The following FAM171A1 variants were observed in gnomAD, a reference collection of about 807,000 sequenced individuals.
FAM171A1 encodes family with sequence similarity 171 member A1, also known as protein FAM171A1.
A neutral mutation model predicts 74.9 loss-of-function variants in FAM171A1; 23 were observed. The ratio of observed to expected loss-of-function variants is 0.31; its 90% confidence interval spans 0.22 to 0.44. The LOEUF (loss-of-function observed/expected upper bound fraction) is 0.44, where lower values mean the gene tolerates loss of function less well. Ranked by LOEUF, FAM171A1 falls within the 20% of genes least tolerant of loss-of-function variation. The pLI, the probability that FAM171A1 is intolerant of heterozygous loss-of-function variation, is 1.00. For synonymous variants in FAM171A1, 527 were observed against 505.7 expected, an observed-to-expected ratio of 1.04 and a Z score of -0.57; for missense variants, 1,162 against 1,159.2, an observed-to-expected ratio of 1.00 and a Z score of -0.03.
At chr10:15,256,353 T>A (rs1415546044) in intron 3 of FAM171A1, among the ~76,000 whole-genome samples, 1 of 152,216 alleles carries the variant, frequency 6.6e-6, no homozygotes, top group African/African-American at 2.4e-5. Flanking sequence ...AAAGGACTTA[T>A]GTCGGGGGCA....
At chr10:15,309,513 T>A (rs999280376) in intron 1 of FAM171A1, among the ~76,000 whole-genome samples, 3 of 152,280 alleles carry the variant, frequency 2.0e-5, no homozygotes, top group African/African-American at 7.2e-5. Flanking sequence ...GGCAAGTTTA[T>A]CTTATTTTTC....
At chr10:15,271,733 C>A (rs1328330364) in intron 3 of FAM171A1, among the ~76,000 whole-genome samples, 1 of 152,202 alleles carries the variant, frequency 6.6e-6, no homozygotes, top group Non-Finnish European at 1.5e-5. Flanking sequence ...CAATATTCAA[C>A]ATTCTTAAAG....
At position 15,214,231 on chromosome 10, in the gene FAM171A1, G is replaced by C. The variant is rs1833936392; in HGVS notation, c.1357C>G (p.Leu453Val). Residue 453 changes from leucine to valine, a missense_variant, in exon 8 of 8, where the codon CTG (leucine) becomes GTG (valine). Leu to Val is a conservative substitution (Grantham distance 32). Coordinates refer to ENST00000378116, the MANE Select transcript of FAM171A1 (RefSeq NM_001010924.2). ...SFDNLTPSGT[L>V]GKDYHKSVEV... ...ACTGACTTATGGTAGTCTTTCCCCAGCGTCCCACTTGGAGTGAGGTTATCA... is the reference window on the plus strand; with the variant it reads ...ACTGACTTATGGTAGTCTTTCCCCACCGTCCCACTTGGAGTGAGGTTATCA... 3 of 1,614,134 alleles carry C rather than the reference G, an allele frequency of 1.9e-6. No individual in the cohort carries two copies. In the East Asian group the frequency reaches 6.7e-5, roughly 36 times the overall value.
In FAM171A1 at chr10:15,254,894, C is replaced by T. The variant is rs763094721; in HGVS notation, c.419-15G>A. 6.2e-7 allele frequency: 1 copy of T among 1,608,602 alleles called. No individual in the cohort carries two copies. Among genetic ancestry groups the T allele is most frequent in the African/African-American group, 1.3e-5 (1 of 74,882 alleles). On this transcript the variant is annotated splice_polypyrimidine_tract_variant and intron_variant, in intron 3 of 7. Coordinates refer to ENST00000378116, the MANE Select transcript of FAM171A1 (RefSeq NM_001010924.2). ...TGGCCGGGCACCTGCAGAGATTAAC[C>T]TCCGAGTTATCTCCCCCAGGAGCAG...
chr10:15,233,332 T>A (rs1200795457), intron 5 of FAM171A1, among the ~76,000 whole-genome samples: 1 of 152,064 alleles, frequency 6.6e-6, no homozygotes, highest in Non-Finnish European at 1.5e-5. Context: ...AACATTTTTT[T>A]TCCCTAAAGG....
At chr10:15,324,672 A>C (rs2131851402) in intron 1 of FAM171A1, among the ~76,000 whole-genome samples, 1 of 152,214 alleles carries the variant, frequency 6.6e-6, no homozygotes, top group South Asian at 2.1e-4. Context: ...TTTCCTACTG[A>C]CAATCTTAAA....
intron 6 of FAM171A1, among the ~76,000 whole-genome samples, chr10:15,219,986 C>T (rs548108602): frequency 1.5e-4 from 23 of 152,314 alleles, no homozygotes; most frequent in African/African-American, 5.5e-4. Context: ...GGAAAGACCT[C>T]CATCAAATCA....
At chr10:15,302,551 CTG>C (rs2131828987) in intron 1 of FAM171A1, among the ~76,000 whole-genome samples, 1 of 149,830 alleles carries the variant, frequency 6.7e-6, no homozygotes, top group African/African-American at 2.5e-5. Context: ...TCATTCTAGA[CTG>C]TGCCACATGG....
intron 5 of FAM171A1, among the ~76,000 whole-genome samples, chr10:15,238,161 C>A (rs963965647): frequency 2.6e-5 from 4 of 152,190 alleles, no homozygotes; most frequent in African/African-American, 9.7e-5. Context: ...TCCCTATAAT[C>A]CAATCACCCA....
At chr10:15,272,556 G>C (rs9733079) in intron 3 of FAM171A1, among the ~76,000 whole-genome samples, 150,793 of 152,332 alleles carry the variant, frequency 0.99, 74,652 homozygotes, top group Middle Eastern at 1. Flanking sequence ...TAGACATCTA[G>C]AGAACTCTCC....
intron 1 of FAM171A1, among the ~76,000 whole-genome samples, chr10:15,332,674 T>C (rs1056312741): frequency 3.3e-5 from 5 of 152,180 alleles, no homozygotes; most frequent in African/African-American, 1.2e-4. Flanking sequence ...TTGCAGAGAC[T>C]CATTGCACTG....
chr10:15,318,535 G>A (rs182395192), intron 1 of FAM171A1, among the ~76,000 whole-genome samples: 19 of 152,276 alleles, frequency 1.2e-4, no homozygotes, highest in African/African-American at 3.8e-4. Flanking sequence ...TTTGGATCCC[G>A]GGTGACAGAA....
chr10:15,322,834 C>T (rs1483666318), intron 1 of FAM171A1, among the ~76,000 whole-genome samples: 1 of 152,186 alleles, frequency 6.6e-6, no homozygotes, highest in Non-Finnish European at 1.5e-5. Context: ...TCTTCATTTG[C>T]AATAAAAAGT....
chr10:15,345,740 C>CA (rs1439603575), intron 1 of FAM171A1, among the ~76,000 whole-genome samples: 6 of 152,008 alleles, frequency 3.9e-5, no homozygotes, highest in Admixed American at 1.3e-4. Flanking sequence ...GCAGGGTGCC[C>CA]ATCAAAAAAC....
chr10:15,269,231 A>G (rs898691672), intron 3 of FAM171A1, among the ~76,000 whole-genome samples: 1 of 152,004 alleles, frequency 6.6e-6, no homozygotes, highest in Non-Finnish European at 1.5e-5. Flanking sequence ...CTCCTGTCTC[A>G]GTCTCCTGAG....
At chr10:15,344,215 C>T (rs1835795408) in intron 1 of FAM171A1, among the ~76,000 whole-genome samples, 1 of 152,156 alleles carries the variant, frequency 6.6e-6, no homozygotes, top group South Asian at 2.1e-4. Flanking sequence ...ACAGGAGCTT[C>T]CACCAAAGAG....
intron 3 of FAM171A1, among the ~76,000 whole-genome samples, chr10:15,263,449 T>G (rs1173642230): frequency 6.6e-6 from 1 of 152,142 alleles, no homozygotes; most frequent in Non-Finnish European, 1.5e-5. Flanking sequence ...AATTTACGAG[T>G]GTTCTCTCTT....
chr10:15,238,204 G>C (rs1834319240), intron 5 of FAM171A1, among the ~76,000 whole-genome samples: 1 of 152,140 alleles, frequency 6.6e-6, no homozygotes. Flanking sequence ...ACTTCACCTA[G>C]TCATGTGGCT....
chr10:15,296,240 CTATTT>C (rs898035504), intron 1 of FAM171A1, among the ~76,000 whole-genome samples: 2 of 152,136 alleles, frequency 1.3e-5, no homozygotes, highest in South Asian at 2.1e-4. Flanking sequence ...TTGTATTATT[CTATTT>C]TATTTTCTAC....
Sources: gnomAD v4.1 joint callset for allele counts (sites outside exome capture counted in the v4.1 genomes callset) on GRCh38, gnomAD v4.1.1 for gene constraint, MANE v1.5 for transcripts, NCBI Gene and HGNC (gene_info 2026-07-23, HGNC 2026-07-21) for gene names.